Variants in EML1 observed in about 807,000 individuals in gnomAD.
EML1 encodes the protein echinoderm microtubule-associated protein-like 1.
Under a neutral mutation model 110.4 loss-of-function variants are expected in EML1, and 27 were observed. The ratio of observed to expected loss-of-function variants is 0.24; its 90% CI spans 0.18 to 0.34. The LOEUF is 0.34. Ranked by LOEUF, EML1 falls within the 10% of genes least tolerant of loss-of-function variation. EML1 has a pLI of 1.00. For missense variants in EML1, 741 were observed against 1,030.9 expected, an observed-to-expected ratio of 0.72 and a Z score of 3.85; for synonymous variants, 344 against 385.8, an observed-to-expected ratio of 0.89 and a Z score of 1.27.
intron 1 of EML1, among the ~76,000 whole-genome samples, chr14:99,795,656 C>CGAAA (rs1483009438): frequency 2.0e-5 from 3 of 152,184 alleles, no homozygotes; most frequent in Non-Finnish European, 1.5e-5. Context: ...CAGTGGATCA[C>CGAAA]AGAAATGCCA....
intron 1 of EML1, among the ~76,000 whole-genome samples, chr14:99,809,188 A>G (rs533107031): frequency 2.9e-4 from 44 of 152,318 alleles, no homozygotes; most frequent in African/African-American, 1.0e-3. Context: ...GCACCTTGAA[A>G]ATTGTTATGC....
chr14:99,843,403 T>A (rs2058662207), intron 1 of EML1, among the ~76,000 whole-genome samples: 1 of 148,884 alleles, frequency 6.7e-6, no homozygotes, highest in Admixed American at 6.7e-5. Context: ...AACTTGGATT[T>A]GTTTTGGTAA....
chr14:99,936,484 G>A lies in EML1; in HGVS notation c.2095+150G>A. 1 of 694,464 alleles carries A rather than the reference G, an allele frequency of 1.4e-6. No individual in the cohort carries two copies. The allele number at this position is 694,464 out of a possible 1,614,324, so 43.0% of individuals were successfully genotyped here. A position where few individuals can be genotyped will look rare whatever the true frequency, so the allele number is the denominator to read the frequency against. ...TGGTTTCCGCCTCTGTAACGTAGGG[G>A]AGTGGGGCTGCGTGGCTTCTTGGGT... On this transcript the variant is annotated intron_variant, in intron 19 of 21. Coordinates refer to ENST00000262233, the MANE Select transcript of EML1 (RefSeq NM_004434.3). This position sits in a 1 kb window ranked among gnomAD's most constrained non-coding sequence, Gnocchi z 5.5.
At chr14:99,785,822 CG>C (rs1566863344) in intron 1 of EML1, among the ~76,000 whole-genome samples, 1 of 151,982 alleles carries the variant, frequency 6.6e-6, no homozygotes, top group Non-Finnish European at 1.5e-5. Flanking sequence ...GGTGAACGAA[CG>C]GTTGGGGTGA....
At chr14:99,907,824 T>A in intron 10 of EML1, 91 bp downstream of exon 10, 1 of 1,196,216 alleles carries the variant, frequency 8.4e-7, no homozygotes, top group Non-Finnish European at 1.2e-6. Context: ...GCGGGCTCAT[T>A]CCCACCCCAG....
intron 1 of EML1, among the ~76,000 whole-genome samples, 197 bp from the exon 2 acceptor site, chr14:99,850,656 G>A (rs918146637): frequency 1.3e-5 from 2 of 152,116 alleles, no homozygotes; most frequent in African/African-American, 4.8e-5. Context: ...AGAATGAAAA[G>A]ACCATTGTAG....
chr14:99,801,599 AGCGAGAC>A (rs2057882244), intron 1 of EML1, among the ~76,000 whole-genome samples: 1 of 151,046 alleles, frequency 6.6e-6, no homozygotes, highest in Non-Finnish European at 1.5e-5. Context: ...TGGGCCACAG[AGCGAGAC>A]TCCGTCTCAA....
rs2140135803 is a variant in EML1 at position 99,936,781 on chromosome 14, C to T, written c.2095+447C>T. On this transcript the variant is annotated intron_variant, in intron 19 of 21. Transcript: ENST00000262233. This position sits in a 1 kb window ranked among gnomAD's most constrained non-coding sequence, Gnocchi z 5.5. Reference sequence around the variant, plus strand: ...CCCTGGGACCCCTCCTCCTCCCCTCCCAACCTGACCCTGGCCAGTCTCTGG... The same window carrying T: ...CCCTGGGACCCCTCCTCCTCCCCTCTCAACCTGACCCTGGCCAGTCTCTGG... 6.6e-6 allele frequency among the ~76,000 whole-genome samples: 1 copy of T among 152,312 alleles called. No homozygotes were observed. The highest frequency in any genetic ancestry group is 6.5e-5 in the Admixed American group (1 of 15,304).
At chr14:99,809,469 G>T in intron 1 of EML1, 2 of 352,584 alleles carry the variant, frequency 5.7e-6, no homozygotes, top group Non-Finnish European at 1.1e-5. Flanking sequence ...TGAAGTAAGG[G>T]ATGAGACAGC....
At chr14:99,799,205 G>A (rs1005175955) in intron 1 of EML1, among the ~76,000 whole-genome samples, 5 of 152,244 alleles carry the variant, frequency 3.3e-5, no homozygotes, top group East Asian at 1.9e-4. Context: ...TCCTTTGAGC[G>A]ACTGAAGTTT....
chr14:99,769,995 C>T (rs182078493), upstream of EML1, among the ~76,000 whole-genome samples: 631 of 152,276 alleles, frequency 4.1e-3, 4 homozygotes, highest in African/African-American at 0.014. Flanking sequence ...CCAGCACAAA[C>T]GTTCCCGCCT....
intron 1 of EML1, among the ~76,000 whole-genome samples, chr14:99,802,278 C>T (rs780119064): frequency 3.3e-5 from 5 of 152,020 alleles, no homozygotes; most frequent in Non-Finnish European, 7.4e-5. Flanking sequence ...GTTTTGGGGA[C>T]ATGGTAAGGA....
At chr14:99,752,949 G>A (rs76826792) in intron 1 of EML1, among the ~76,000 whole-genome samples, 3,839 of 152,210 alleles carry the variant, frequency 0.025, 166 homozygotes, top group African/African-American at 0.088. Context: ...AAGGCAGGGC[G>A]TGCAATGAAA....
At chr14:99,920,926 T>C in intron 17 of EML1, 49 bp downstream of exon 17, 1 of 1,561,136 alleles carries the variant, frequency 6.4e-7, no homozygotes. Context: ...CAACTTTTAT[T>C]TTAAGTTCTG....
intron 12 of EML1, 30 bp downstream of exon 12, chr14:99,910,371 GT>G: frequency 2.6e-6 from 4 of 1,558,466 alleles, no homozygotes; most frequent in South Asian, 1.1e-5. Context: ...AAAACCAATG[GT>G]TTTTGGTAAT....
At chr14:99,879,251 G>T (rs529971668) in intron 4 of EML1, among the ~76,000 whole-genome samples, 3 of 152,200 alleles carry the variant, frequency 2.0e-5, no homozygotes, top group African/African-American at 7.2e-5. Flanking sequence ...CATTTTAGCA[G>T]CTTGTTTTGT....
intron 3 of EML1, among the ~76,000 whole-genome samples, chr14:99,866,167 GTGCAGTGGCTTA>G (rs1388531307): frequency 1.3e-5 from 2 of 152,216 alleles, no homozygotes; most frequent in Non-Finnish European, 2.9e-5. Flanking sequence ...TTAGGGCCAG[GTGCAGTGGCTTA>G]CACCTATAAT....
rs2060114595 is a variant in EML1 at position 99,920,678 on chromosome 14, C to A, written c.1821-111C>A. On this transcript the variant is annotated intron_variant, in intron 16 of 21. Transcript: ENST00000262233. ...AACAAGCTTTCTTATTAAGCAAATTCTGAGTATTTATTAAGCTTTTATGAT... is the reference window on the plus strand; with the variant it reads ...AACAAGCTTTCTTATTAAGCAAATTATGAGTATTTATTAAGCTTTTATGAT... The A allele has an allele frequency of 7.3e-6, 6 of 826,790 alleles. No individual in the cohort carries two copies. In the South Asian group the frequency reaches 1.3e-4, roughly 18 times the overall value. 51.2% of individuals were successfully genotyped at this position (826,790 alleles called of 1,614,324 possible).
At chr14:99,871,494 C>T (rs1298344939) in intron 3 of EML1, among the ~76,000 whole-genome samples, 1 of 147,524 alleles carries the variant, frequency 6.8e-6, no homozygotes, top group African/African-American at 2.5e-5. Context: ...GCCTGGTCAA[C>T]AGAGCGAGAC....
Sources: allele counts gnomAD v4.1 joint callset (sites outside exome capture counted in the v4.1 genomes callset), GRCh38; gene constraint gnomAD v4.1.1; non-coding constraint Gnocchi (gnomAD v3.1); transcripts MANE v1.5; gene names NCBI Gene and HGNC (gene_info 2026-07-23, HGNC 2026-07-21).